GNL3L: variants seen among roughly 807,000 people sequenced by gnomAD.
GNL3L encodes G protein nucleolar 3 like.
GNL3L carries 4 observed loss-of-function variants against 42.9 expected under a neutral mutation model. The observed-to-expected ratio is 0.09, with a 90% CI of 0.05 to 0.21. The LOEUF is 0.21. Among genes scored for constraint, GNL3L ranks in the 10% least tolerant of loss-of-function variants. The probability of loss-of-function intolerance (pLI) is 1.00; values close to 1 mark genes in which losing one functional copy is unlikely to be tolerated. For missense variants in GNL3L, 412 were observed against 481.7 expected, an observed-to-expected ratio of 0.86 and a Z score of 1.36; for synonymous variants, 159 against 176.3, an observed-to-expected ratio of 0.90 and a Z score of 0.78.
downstream of GNL3L, among the ~76,000 whole-genome samples, chrX:54,567,999 C>T (rs1263454093): frequency 5.0e-5 from 5 of 100,105 alleles, no homozygotes; most frequent in Non-Finnish European, 8.0e-5. Context: ...GACGGAGTCT[C>T]ACTCTGTCAC....
chrX:54,548,642 C>T (rs753888784), intron 9 of GNL3L, among the ~76,000 whole-genome samples: 2 of 111,026 alleles, frequency 1.8e-5, no homozygotes, highest in Non-Finnish European at 3.8e-5. Context: ...CTACCTTTTA[C>T]GGATGAGAAT....
At chrX:54,589,366 C>T (rs921387112) in intron 16 of GNL3L, among the ~76,000 whole-genome samples, 1 of 110,532 alleles carries the variant, frequency 9.0e-6, no homozygotes, top group Non-Finnish European at 1.9e-5. Flanking sequence ...TCCCATTAAC[C>T]ATCCCTACTT....
intron 16 of GNL3L, among the ~76,000 whole-genome samples, chrX:54,589,788 T>A (rs1925841639): frequency 9.0e-6 from 1 of 111,238 alleles, no homozygotes; most frequent in Non-Finnish European, 1.9e-5. Context: ...GTTGGCTCTA[T>A]TTTTAGTTTT....
At chrX:54,580,266 G>A (rs1199819544) in intron 16 of GNL3L, among the ~76,000 whole-genome samples, 1 of 103,721 alleles carries the variant, frequency 9.6e-6, no homozygotes, top group East Asian at 3.1e-4. Context: ...TTTTGTCCTT[G>A]AGATTGTTTG....
chrX:54,573,002 G>T (rs1456922196), intron 16 of GNL3L, among the ~76,000 whole-genome samples: 2 of 109,343 alleles, frequency 1.8e-5, no homozygotes, highest in African/African-American at 6.7e-5. Flanking sequence ...GCCGGGAAGA[G>T]GCGCTCCTCA....
chrX:54,540,901 C>T (rs1237704848), intron 4 of GNL3L, among the ~76,000 whole-genome samples: 1 of 111,175 alleles, frequency 9.0e-6, no homozygotes, highest in Non-Finnish European at 1.9e-5. Flanking sequence ...AGGTGATCCA[C>T]CTGCCTTGGC....
downstream of GNL3L, among the ~76,000 whole-genome samples, chrX:54,626,346 A>T (rs761561145): frequency 2.7e-5 from 3 of 111,772 alleles, no homozygotes; most frequent in Admixed American, 9.5e-5. Flanking sequence ...CCATGTTGCC[A>T]CTAATGACAG....
Position 54,551,912 on chromosome X carries a change from G to A in GNL3L, c.1119G>A (p.Lys373=), listed in dbSNP as rs1280537543. 1 of 1,211,918 alleles carries A rather than the reference G, an allele frequency of 8.3e-7. No individual in the cohort carries two copies. The highest frequency in any genetic ancestry group is 1.1e-6 in the Non-Finnish European group (1 of 895,329). Reference sequence around the variant, plus strand: ...CAGTGGCCCACCGTTTGGGGAAGAAGAAGAAGGGAGGCTTATATAGTCAGG... The same window carrying A: ...CAGTGGCCCACCGTTTGGGGAAGAAAAAGAAGGGAGGCTTATATAGTCAGG... ...LTAVAHRLGK[K]KKGGLYSQEQ... is the part of the protein sequence containing the mutation. Residue 373 remains lysine (K), a synonymous_variant, in exon 12 of 16, where the codon AAG becomes AAA. Transcript: ENST00000360845.
chrX:54,604,086 C>T (rs1284572493), intron 16 of GNL3L, among the ~76,000 whole-genome samples: 2 of 111,140 alleles, frequency 1.8e-5, no homozygotes, highest in East Asian at 5.7e-4. Context: ...TACAAGTGAG[C>T]TGTGATTGTA....
intron 16 of GNL3L, among the ~76,000 whole-genome samples, chrX:54,593,350 G>T (rs1189698953): frequency 9.0e-6 from 1 of 110,820 alleles, no homozygotes; most frequent in Non-Finnish European, 1.9e-5. Flanking sequence ...TTTCAATTTT[G>T]GTAGTTTCTA....
chrX:54,631,122 T>A, the GNL3L span, among the ~76,000 whole-genome samples: 2 of 111,397 alleles, frequency 1.8e-5, no homozygotes, highest in African/African-American at 6.5e-5. Context: ...TCAATTTTCT[T>A]AAATGTATTG....
chrX:54,607,119 TTC>T lies in GNL3L; in HGVS notation c.*46-13724_*46-13723del, dbSNP rs1569542635. On this transcript the variant is annotated intron_variant, in intron 16 of 16. Coordinates refer to the GNL3L transcript ENST00000674498. ...TTTCTTTCTTTCTTTCTTTCTTTCT[TTC>T]TTTCTTTCTTTCTTTCTTTGTCTCT... 1.2e-4 allele frequency among the ~76,000 whole-genome samples: 10 copies of T among 85,970 alleles called. 1 individual carries two copies. The highest frequency in any genetic ancestry group is 4.6e-4 in the African/African-American group (9 of 19,598). The allele number at this position is 85,970 out of a possible 115,157, so 74.7% of individuals were successfully genotyped here. A position where few individuals can be genotyped will look rare whatever the true frequency, so the allele number is the denominator to read the frequency against.
At chrX:54,573,132 C>T (rs1925581441) in intron 16 of GNL3L, among the ~76,000 whole-genome samples, 1 of 111,998 alleles carries the variant, frequency 8.9e-6, no homozygotes, top group Non-Finnish European at 1.9e-5. Context: ...CTCCTCACTT[C>T]CCAGACGGGG....
intron 16 of GNL3L, among the ~76,000 whole-genome samples, chrX:54,602,320 C>T (rs946302976): frequency 3.6e-5 from 4 of 111,457 alleles, no homozygotes; most frequent in African/African-American, 1.3e-4. Flanking sequence ...GCTTTTATTT[C>T]CATAATGGCT....
chrX:54,607,010 TTC>T lies in GNL3L; in HGVS notation c.*46-13833_*46-13832del, dbSNP rs1491045527. Among the ~76,000 whole-genome samples, 5 of 31,093 alleles carry T rather than the reference TTC, an allele frequency of 1.6e-4. No homozygotes were observed. In the Admixed American group the frequency reaches 2.0e-3, roughly 13 times the overall value. 27.0% of individuals were successfully genotyped at this position (31,093 alleles called of 115,157 possible). A position where few individuals can be genotyped will look rare whatever the true frequency, so the allele number is the denominator to read the frequency against. On this transcript the variant is annotated intron_variant, in intron 16 of 16. Transcript: ENST00000674498. ...CCTTTCCTTTCCTTTCTTTCTTTCT[TTC>T]TTTCTTTCTTTCTTTCTTTCTTTCT...
chrX:54,640,877 G>A, the GNL3L span, among the ~76,000 whole-genome samples: 1 of 111,826 alleles, frequency 8.9e-6, no homozygotes, highest in South Asian at 3.7e-4. Flanking sequence ...TTTGGGGCAA[G>A]GCAAACACAC....
chrX:54,635,043 C>T, the GNL3L span, among the ~76,000 whole-genome samples: 4 of 107,731 alleles, frequency 3.7e-5, no homozygotes, highest in African/African-American at 1.0e-4. Context: ...CCACCCATCT[C>T]GGCCTCCCAA....
At chrX:54,574,698 ATTGT>A (rs1343798240) in intron 16 of GNL3L, among the ~76,000 whole-genome samples, 1 of 112,094 alleles carries the variant, frequency 8.9e-6, no homozygotes, top group Non-Finnish European at 1.9e-5. Context: ...AAAGATTGTT[ATTGT>A]TTATTCTTTA....
rs1313581597 is a variant in GNL3L at position 54,587,399 on chromosome X, C to T, written c.*45+26752C>T. Among the ~76,000 whole-genome samples, 5 of 111,672 alleles carry T rather than the reference C, an allele frequency of 4.5e-5. No individual in the cohort carries two copies. The East Asian group carries it at 1.1e-3, about 25-fold the overall frequency. On this transcript the variant is annotated intron_variant, in intron 16 of 16. Coordinates refer to the GNL3L transcript ENST00000674498. ...GTTGGAGTCTATTCCTCACTTTATGCCTAATAATATTTGCTTTATATATGT... is the reference window on the plus strand; with the variant it reads ...GTTGGAGTCTATTCCTCACTTTATGTCTAATAATATTTGCTTTATATATGT...
Sources: gnomAD v4.1 joint callset for allele counts (sites outside exome capture counted in the v4.1 genomes callset) on GRCh38, gnomAD v4.1.1 for gene constraint, MANE v1.5 for transcripts, NCBI Gene and HGNC (gene_info 2026-07-23, HGNC 2026-07-21) for gene names.